The following PLEKHA7 variants were observed in gnomAD, a reference collection of about 807,000 sequenced individuals.
The protein encoded by PLEKHA7 is pleckstrin homology domain containing A7, also known as pleckstrin homology domain-containing family A member 7.
A neutral mutation model predicts 170.0 loss-of-function variants in PLEKHA7; 104 were observed. The observed-to-expected ratio is 0.61, with a 90% CI of 0.52 to 0.72. The LOEUF (loss-of-function observed/expected upper bound fraction) is 0.72. PLEKHA7 is among the 30% of genes least tolerant of loss of function. PLEKHA7 has a pLI of 0.00. For missense variants in PLEKHA7, 1,615 were observed against 1,671.7 expected, an observed-to-expected ratio of 0.97 and a Z score of 0.59; for synonymous variants, 648 against 660.8, an observed-to-expected ratio of 0.98 and a Z score of 0.30.
intron 3 of PLEKHA7, among the ~76,000 whole-genome samples, chr11:16,898,086 G>A (rs1857109901): frequency 6.6e-6 from 1 of 151,956 alleles, no homozygotes; most frequent in South Asian, 2.1e-4. Flanking sequence ...TACATGACCA[G>A]GAACACTTTC....
chr11:16,977,543 A>G (rs1349750066), intron 3 of PLEKHA7, among the ~76,000 whole-genome samples: 1 of 152,200 alleles, frequency 6.6e-6, no homozygotes, highest in African/African-American at 2.4e-5. Context: ...GGTTAAATAG[A>G]CAAGGACGGT....
chr11:16,938,656 T>C lies in PLEKHA7; in HGVS notation c.222-67474A>G, dbSNP rs12288692. Among the ~76,000 whole-genome samples, 329 of 152,276 alleles carry C rather than the reference T, an allele frequency of 2.2e-3. 2 individuals are homozygous for C. Among genetic ancestry groups the C allele is most frequent in the African/African-American group, 7.4e-3 (307 of 41,556 alleles). ...TCAGAAAATAGTCACCTTCCTCCTA[T>C]AGTGATTAACATTCACATGTTGGAA... On this transcript the variant is annotated intron_variant, in intron 3 of 26. Transcript: ENST00000531066.
Position 16,871,143 on chromosome 11 carries a change from C to A in PLEKHA7, c.261G>T (p.Thr87=), listed in dbSNP as rs372406927. ...QQTTAFRHPV[T]GQFSPENSEF... ...CACTATTTTCTGGAGAAAACTGTCC[C>A]GTCACAGGATGCCTGAATGCTGTGG... Residue 87 remains threonine, a synonymous_variant, in exon 4 of 27, where the codon ACG becomes ACT. Transcript: ENST00000531066. 1 of 1,609,832 alleles carries A rather than the reference C, an allele frequency of 6.2e-7. No individual in the cohort carries two copies. Among genetic ancestry groups the A allele is most frequent in the Non-Finnish European group, 8.5e-7 (1 of 1,176,334 alleles).
chr11:16,845,356 TTGTTA>T (rs1852308277), intron 8 of PLEKHA7, among the ~76,000 whole-genome samples: 1 of 152,154 alleles, frequency 6.6e-6, no homozygotes, highest in Non-Finnish European at 1.5e-5. Flanking sequence ...TTGTTTTGTT[TTGTTA>T]TGTTGTTTTG....
intron 3 of PLEKHA7, among the ~76,000 whole-genome samples, chr11:16,974,267 CA>C (rs35695770): frequency 9.6e-4 from 112 of 116,854 alleles, no homozygotes; most frequent in Non-Finnish European, 9.7e-4. Flanking sequence ...ACCCTGTCTC[CA>C]AAAAAAAAAA....
intron 3 of PLEKHA7, 78 bp downstream of exon 3, chr11:17,013,911 G>A (rs1865484200): frequency 6.9e-7 from 1 of 1,450,656 alleles, no homozygotes; most frequent in Non-Finnish European, 9.1e-7. Flanking sequence ...GCAGAGGAAG[G>A]GCGGGGCGCC....
chr11:16,862,800 A>G (rs1854073031), intron 4 of PLEKHA7, among the ~76,000 whole-genome samples: 1 of 152,328 alleles, frequency 6.6e-6, no homozygotes, highest in South Asian at 2.1e-4. Flanking sequence ...ACTGTCTCCT[A>G]GTCCAGGGAA....
chr11:16,924,864 T>C (rs999511300), intron 3 of PLEKHA7, among the ~76,000 whole-genome samples: 11 of 152,206 alleles, frequency 7.2e-5, no homozygotes, highest in African/African-American at 2.7e-4. Flanking sequence ...CCATAAAAGA[T>C]GAGTAATGGC....
intron 3 of PLEKHA7, among the ~76,000 whole-genome samples, chr11:16,904,162 G>C (rs903837727): frequency 6.6e-6 from 1 of 152,088 alleles, no homozygotes; most frequent in East Asian, 1.9e-4. Flanking sequence ...TTATTCTTAC[G>C]TGCTATCATT....
At chr11:16,827,286 CAG>C (rs1159697262) in intron 9 of PLEKHA7, among the ~76,000 whole-genome samples, 1 of 152,236 alleles carries the variant, frequency 6.6e-6, no homozygotes, top group Non-Finnish European at 1.5e-5. Context: ...ACAGTTCAAA[CAG>C]AAACAACTCT....
At position 16,816,198 on chromosome 11, in the gene PLEKHA7, G is replaced by A. The variant is rs1173463408; in HGVS notation, c.1933C>T (p.Pro645Ser). The A allele has an allele frequency of 6.2e-7, 1 of 1,613,456 alleles. No homozygotes were observed. Among genetic ancestry groups the A allele is most frequent in the Non-Finnish European group, 8.5e-7 (1 of 1,179,536 alleles). ...CCTACCGATTTTCCATGTAAACTGGGAGCGCTGACGGTGTGGGTCATGTAA... is the reference window on the plus strand; with the variant it reads ...CCTACCGATTTTCCATGTAAACTGGAAGCGCTGACGGTGTGGGTCATGTAA... ...MGYMTHTVSA[P>S]SLHGKSADDT... The change falls in exon 12 of 27, where the codon CCC becomes TCC. Residue 645 changes from proline to serine, a missense_variant. Transcript: ENST00000531066.
chr11:16,831,987 T>C (rs1315352019), intron 9 of PLEKHA7, among the ~76,000 whole-genome samples: 5 of 152,182 alleles, frequency 3.3e-5, no homozygotes, highest in African/African-American at 1.2e-4. Flanking sequence ...CTTTGGCCAA[T>C]AAGATATAAG....
chr11:16,972,432 T>G (rs1862779920), intron 3 of PLEKHA7, among the ~76,000 whole-genome samples: 1 of 151,396 alleles, frequency 6.6e-6, no homozygotes, highest in Non-Finnish European at 1.5e-5. Context: ...ATTTTTATTT[T>G]TGAACCAGTC....
chr11:16,853,303 G>A (rs188262931), intron 6 of PLEKHA7, among the ~76,000 whole-genome samples: 15 of 152,288 alleles, frequency 9.8e-5, no homozygotes, highest in African/African-American at 3.6e-4. Flanking sequence ...TACAGCATAA[G>A]GATTGTTCCT....
At chr11:16,893,360 A>C (rs1297697332) in intron 3 of PLEKHA7, among the ~76,000 whole-genome samples, 1 of 152,196 alleles carries the variant, frequency 6.6e-6, no homozygotes, top group African/African-American at 2.4e-5. Flanking sequence ...GTGGGAAGGA[A>C]ACGGGTGGCT....
At chr11:16,923,719 C>T (rs1859275219) in intron 3 of PLEKHA7, among the ~76,000 whole-genome samples, 2 of 152,242 alleles carry the variant, frequency 1.3e-5, no homozygotes, top group South Asian at 4.1e-4. Flanking sequence ...CGCTCCTTGC[C>T]TGCAGTAAGC....
intron 3 of PLEKHA7, among the ~76,000 whole-genome samples, chr11:16,929,088 T>TA (rs1345246525): frequency 1.3e-5 from 2 of 152,138 alleles, no homozygotes; most frequent in African/African-American, 4.8e-5. Flanking sequence ...CAACTGCATT[T>TA]AAAAAACTCT....
At chr11:16,800,765 GTGAAGCTTC>G (rs1009707017) in intron 17 of PLEKHA7, among the ~76,000 whole-genome samples, 200 bp downstream of exon 17, 140 of 152,254 alleles carry the variant, frequency 9.2e-4, no homozygotes, top group Middle Eastern at 3.4e-3. Context: ...GGGGAATGGG[GTGAAGCTTC>G]TCATCACAGC....
Position 16,957,689 on chromosome 11 carries a change from A to ATATTTTTTTTTTTTTTTTTTTTTTT in PLEKHA7, c.221+56299_221+56300insAAAAAAAAAAAAAAAAAAAAAAATA. 1.7e-5 allele frequency among the ~76,000 whole-genome samples: 2 copies of ATATTTTTTTTTTTTTTTTTTTTTTT among 118,226 alleles called. 1 individual carries two copies. Among genetic ancestry groups the ATATTTTTTTTTTTTTTTTTTTTTTT allele is most frequent in the African/African-American group, 6.6e-5 (2 of 30,344 alleles). 77.6% of individuals were successfully genotyped at this position (118,226 alleles called of 152,430 possible). A position where few individuals can be genotyped will look rare whatever the true frequency, so the allele number is the denominator to read the frequency against. ...ATATTACATGAATTTTACCTCAATA[A>ATATTTTTTTTTTTTTTTTTTTTTTT]TTTTTTTCTTTTTTTTTTTTTTTTT... On this transcript the variant is annotated intron_variant, in intron 3 of 26. Transcript: ENST00000531066.
Sources: allele counts gnomAD v4.1 joint callset (sites outside exome capture counted in the v4.1 genomes callset), GRCh38; gene constraint gnomAD v4.1.1; transcripts MANE v1.5; gene names NCBI Gene and HGNC (gene_info 2026-07-23, HGNC 2026-07-21).